Variants in NBAS observed in about 807,000 individuals in gnomAD.
NBAS encodes NAG/BC035112 fusion.
Under a neutral mutation model 302.5 loss-of-function variants are expected in NBAS, and 219 were observed. The observed-to-expected ratio is 0.72, with a 90% CI of 0.65 to 0.81. NBAS has a LOEUF of 0.81. Among genes scored for constraint, NBAS ranks in the 30% least tolerant of loss-of-function variants. NBAS has a pLI of 0.00. For missense variants in NBAS, 2,932 were observed against 2,841.6 expected (o/e 1.03, Z -0.72); for synonymous variants, 1,118 against 1,021.6 (o/e 1.09, Z -1.80).
At chr2:15,334,038 CA>C (rs1189379308) in intron 35 of NBAS, among the ~76,000 whole-genome samples, 1 of 152,012 alleles carries the variant, frequency 6.6e-6, no homozygotes, top group Admixed American at 6.6e-5. Context: ...CTAAGTGTTT[CA>C]TACAAGCATC....
chr2:15,492,286 T>C (rs922721227), intron 11 of NBAS, among the ~76,000 whole-genome samples: 1 of 152,168 alleles, frequency 6.6e-6, no homozygotes, highest in Admixed American at 6.5e-5. Context: ...AAGTATGCAT[T>C]TCTTTGAAGT....
chr2:14,785,929 C>T, the NBAS span, among the ~76,000 whole-genome samples: 15 of 152,230 alleles, frequency 9.9e-5, no homozygotes, highest in South Asian at 2.1e-4. Context: ...TGGTAGAATT[C>T]GGCTGTGAAT....
chr2:15,133,352 G>A, the NBAS span, among the ~76,000 whole-genome samples: 1 of 152,120 alleles, frequency 6.6e-6, no homozygotes, highest in Non-Finnish European at 1.5e-5. Flanking sequence ...AATGAAGAAA[G>A]GCTTCCTGCA....
chr2:15,154,882 C>T, the NBAS span, among the ~76,000 whole-genome samples: 1 of 152,186 alleles, frequency 6.6e-6, no homozygotes, highest in African/African-American at 2.4e-5. Flanking sequence ...GCAGAAGCTG[C>T]TCCCTCCAGC....
chr2:14,848,776 C>G, the NBAS span, among the ~76,000 whole-genome samples: 2 of 151,848 alleles, frequency 1.3e-5, no homozygotes, highest in Non-Finnish European at 2.9e-5. Context: ...ACCCCTGACC[C>G]CTGAGCAGCC....
the NBAS span, among the ~76,000 whole-genome samples, chr2:14,900,215 A>C: frequency 3.3e-5 from 5 of 151,396 alleles, no homozygotes; most frequent in African/African-American, 9.7e-5. Flanking sequence ...TCCCTGGCCT[A>C]ATATTAAACA....
intron 35 of NBAS, among the ~76,000 whole-genome samples, chr2:15,343,092 G>A (rs909055139): frequency 1.3e-5 from 2 of 151,968 alleles, no homozygotes; most frequent in South Asian, 4.2e-4. Context: ...TGAATCAAAA[G>A]CATACCCTGC....
chr2:15,427,604 G>A, intron 22 of NBAS, 107 bp downstream of exon 22: 1 of 897,548 alleles, frequency 1.1e-6, no homozygotes, highest in Non-Finnish European at 1.8e-6. Flanking sequence ...TCTAAATTAG[G>A]GAGTGTCATC....
the NBAS span, among the ~76,000 whole-genome samples, chr2:15,051,823 C>A: frequency 7.2e-5 from 11 of 152,284 alleles, no homozygotes; most frequent in East Asian, 2.1e-3. Flanking sequence ...AGGAACAACC[C>A]AGAGTTATTG....
chr2:14,842,829 T>G, the NBAS span, among the ~76,000 whole-genome samples: 3 of 131,742 alleles, frequency 2.3e-5, no homozygotes, highest in Admixed American at 1.6e-4. Context: ...TTTCCTGATA[T>G]CAAAAGCAGA....
rs538094684 is a variant in NBAS, at chr2:15,536,011, C to A, written c.647+407G>T. Among the ~76,000 whole-genome samples the A allele has an allele frequency of 5.9e-5, 9 of 152,264 alleles. No homozygotes were observed. The South Asian group carries it at 1.7e-3, about 28-fold the overall frequency. On this transcript the variant is annotated intron_variant, in intron 8 of 51. Coordinates refer to ENST00000281513, the MANE Select transcript of NBAS (RefSeq NM_015909.4). ...CAGAGGTTTGAACTGCACAGATGTACGCATTTGTCATAACTCACCAGCTGG... is the reference window on the plus strand; with the variant it reads ...CAGAGGTTTGAACTGCACAGATGTAAGCATTTGTCATAACTCACCAGCTGG...
chr2:14,847,654 C>T, the NBAS span, among the ~76,000 whole-genome samples: 6 of 152,056 alleles, frequency 3.9e-5, no homozygotes, highest in African/African-American at 1.4e-4. Flanking sequence ...ATTATTAGGG[C>T]TAAGGAGATA....
the NBAS span, among the ~76,000 whole-genome samples, chr2:14,923,334 G>T: frequency 1.3e-5 from 2 of 152,148 alleles, no homozygotes; most frequent in Admixed American, 6.5e-5. Flanking sequence ...ACACAGCAGT[G>T]AGCAGATCAC....
At chr2:14,982,159 G>T in the NBAS span, among the ~76,000 whole-genome samples, 2 of 152,272 alleles carry the variant, frequency 1.3e-5, no homozygotes, top group Admixed American at 1.3e-4. Flanking sequence ...GAGAGGCCAT[G>T]CATAGCTGCT....
the NBAS span, among the ~76,000 whole-genome samples, chr2:15,019,861 G>A: frequency 1.3e-5 from 2 of 152,138 alleles, no homozygotes; most frequent in Non-Finnish European, 2.9e-5. Flanking sequence ...AAACGACTCT[G>A]TTAGCACCTT....
the NBAS span, among the ~76,000 whole-genome samples, chr2:14,951,887 T>C: frequency 6.6e-6 from 1 of 152,200 alleles, no homozygotes; most frequent in Non-Finnish European, 1.5e-5. Flanking sequence ...ACAAAGCCTT[T>C]GCTCTTTTTC....
rs562810776 is a variant in NBAS at position 15,179,197 on chromosome 2, C to T, written c.6712-81G>A. ...CGGTTCTGGCTGGATCATTCCACCC[C>T]TTTTTCTGTGGTAGCGTGTGTGTGT... On this transcript the variant is annotated intron_variant, in intron 50 of 51. Transcript: ENST00000281513. The T allele has an allele frequency of 1.9e-6, 3 of 1,605,922 alleles. No homozygotes were observed. The East Asian group carries it at 6.7e-5, about 36-fold the overall frequency.
the NBAS span, among the ~76,000 whole-genome samples, chr2:14,784,286 T>C: frequency 6.6e-6 from 1 of 152,226 alleles, no homozygotes; most frequent in South Asian, 2.1e-4. Flanking sequence ...ACTCTGATGG[T>C]AGTTTCTTTT....
chr2:15,177,753 A>G (rs1263603535), intron 51 of NBAS, among the ~76,000 whole-genome samples: 1 of 152,228 alleles, frequency 6.6e-6, no homozygotes, highest in African/African-American at 2.4e-5. Flanking sequence ...TAAATTCTCC[A>G]AGTTATTCAA....
Sources: allele counts gnomAD v4.1 joint callset (sites outside exome capture counted in the v4.1 genomes callset), GRCh38; gene constraint gnomAD v4.1.1; transcripts MANE v1.5; gene names NCBI Gene and HGNC (gene_info 2026-07-23, HGNC 2026-07-21).